UPF2: variants seen among roughly 807,000 people sequenced by gnomAD.
The protein encoded by UPF2 is regulator of nonsense transcripts 2.
A neutral mutation model predicts 141.4 loss-of-function variants in UPF2; 17 were observed. The observed-to-expected ratio is 0.12, with a 90% CI of 0.08 to 0.18. UPF2 has a LOEUF of 0.18. Among genes scored for constraint, UPF2 ranks in the 10% least tolerant of loss-of-function variants. The pLI is 1.00. For missense variants in UPF2, 1,152 were observed against 1,515.9 expected (o/e 0.76, Z 3.99); for synonymous variants, 540 against 498.0 (o/e 1.08, Z -1.12).
At position 11,959,275 on chromosome 10, in the gene UPF2, T is replaced by G; in HGVS notation, c.2266A>C (p.Asn756His). ...TMVENAYYYC[N>H]PPPAEKTVKK... ...ACGGTTTTTTCAGCTGGAGGTGGGT[T>G]GCAGTAGTAATATGCATTCTCTACC... is the stretch of plus-strand genomic sequence containing the variant. Residue 756 changes from asparagine to histidine, a missense_variant, in exon 12 of 22, where the codon AAC (asparagine) becomes CAC (histidine). Asn to His is a moderately conservative substitution (Grantham distance 68). This residue lies in a region of UPF2 where 739 missense variants were observed against 1,032.2 expected (regional missense o/e 0.72). Coordinates refer to ENST00000357604, the MANE Select transcript of UPF2 (RefSeq NM_015542.4). This position sits in a 1 kb window ranked among gnomAD's most constrained non-coding sequence, Gnocchi z 5.9. 6.2e-7 allele frequency: 1 copy of G among 1,613,522 alleles called. No homozygotes were observed. The highest frequency in any genetic ancestry group is 8.5e-7 in the Non-Finnish European group (1 of 1,179,838).
At position 12,024,431 on chromosome 10, in the gene UPF2, G is replaced by A. The variant is rs188166560; in HGVS notation, c.1145+4314C>T. Among the ~76,000 whole-genome samples the A allele has an allele frequency of 4.3e-3, 661 of 152,124 alleles. 3 individuals carry two copies. Among genetic ancestry groups the A allele is most frequent in the African/African-American group, 0.015 (621 of 41,502 alleles). Reference sequence around the variant, plus strand: ...TCGAGACGAGCCTGGGCAACATGGCGAAACCCCGTCTCTACTAAAAATACA... The same window carrying A: ...TCGAGACGAGCCTGGGCAACATGGCAAAACCCCGTCTCTACTAAAAATACA... On this transcript the variant is annotated intron_variant, in intron 3 of 21. Coordinates refer to ENST00000357604, the MANE Select transcript of UPF2 (RefSeq NM_015542.4).
chr10:11,964,036 T>C lies in UPF2; in HGVS notation c.2157A>G (p.Glu719=). The C allele has an allele frequency of 6.2e-7, 1 of 1,613,900 alleles. No individual in the cohort carries two copies. Among genetic ancestry groups the C allele is most frequent in the Non-Finnish European group, 8.5e-7 (1 of 1,179,844 alleles). The change falls in exon 11 of 22, where the codon GAA becomes GAG. Residue 719 remains glutamate, a synonymous_variant. Coordinates refer to ENST00000357604, the MANE Select transcript of UPF2 (RefSeq NM_015542.4). ...AAAGTACACTGGTCCTCAGGTGAGA[T>C]TCTGGAGATCTGAAAAGAAACCGTC... ...TCGRFLFRSP[E]SHLRTSVLLE... is the part of the protein sequence containing the mutation.
chr10:12,027,962 G>A (rs953461621), intron 3 of UPF2, among the ~76,000 whole-genome samples: 1 of 152,104 alleles, frequency 6.6e-6, no homozygotes, highest in South Asian at 2.1e-4. Context: ...ACGTGCTATG[G>A]CTATTACCTC....
chr10:11,932,624 C>T (rs1166587492), intron 19 of UPF2, among the ~76,000 whole-genome samples: 2 of 152,064 alleles, frequency 1.3e-5, no homozygotes, highest in East Asian at 1.9e-4. Context: ...TACTGATGGC[C>T]ACCTTTGCCT....
chr10:11,923,158 T>C (rs2131142257), intron 21 of UPF2: 1 of 152,374 alleles, frequency 6.6e-6, no homozygotes, highest in South Asian at 2.1e-4. Context: ...GGAGATCTTG[T>C]TTAAAAGTAA....
rs773544381 is a variant in UPF2, at chr10:12,029,349, T to C, written c.541A>G (p.Ile181Val). The change falls in exon 3 of 22, where the codon ATT (isoleucine) becomes GTT (valine). Residue 181 changes from isoleucine to valine, a missense_variant. Ile to Val is a conservative substitution (Grantham distance 29). Around this residue, in one of 4 missense-constraint regions of UPF2, gnomAD observed 739 missense variants for 1,032.2 expected, o/e 0.72. Coordinates refer to ENST00000357604, the MANE Select transcript of UPF2 (RefSeq NM_015542.4). Reference sequence around the variant, plus strand: ...AAGGAGTCTCTCTGTTGTTCTGTAATAGTTTTTAGTTTCTTGACAAAAGCA... The same window carrying C: ...AAGGAGTCTCTCTGTTGTTCTGTAACAGTTTTTAGTTTCTTGACAAAAGCA... ...NTAFVKKLKTITEQQRDSLSH... is the reference protein window; with the variant it reads ...NTAFVKKLKTVTEQQRDSLSH... 7 of 1,614,204 alleles carry C rather than the reference T, an allele frequency of 4.3e-6. No homozygotes were observed. Among genetic ancestry groups the C allele is most frequent in the Non-Finnish European group, 5.9e-6 (7 of 1,180,036 alleles).
Position 12,042,793 on chromosome 10 carries a change from C to G in UPF2, c.-57G>C, listed in dbSNP as rs1205348795. ...TCAACATTAGCCCCGGGTTTCCCAG[C>G]ACCAACTCCAGCGCTCGGGCTCTCC... is the stretch of plus-strand genomic sequence containing the variant. On this transcript the variant is annotated 5_prime_UTR_variant, in exon 1 of 22. Coordinates refer to ENST00000357604, the MANE Select transcript of UPF2 (RefSeq NM_015542.4). The surrounding 1 kb of genome is among the most constrained non-coding windows in gnomAD (Gnocchi z 5.5). 1 of 152,198 alleles carries G rather than the reference C, an allele frequency of 6.6e-6. No homozygotes were observed. Among genetic ancestry groups the G allele is most frequent in the African/African-American group, 2.4e-5 (1 of 41,384 alleles). The allele number at this position is 152,198 out of a possible 1,614,324, so 9.4% of individuals were successfully genotyped here. A position where few individuals can be genotyped will look rare whatever the true frequency, so the allele number is the denominator to read the frequency against.
chr10:12,021,592 A>G (rs1834319206), intron 3 of UPF2, among the ~76,000 whole-genome samples: 1 of 152,200 alleles, frequency 6.6e-6, no homozygotes, highest in African/African-American at 2.4e-5. Flanking sequence ...AAAAAGTGCC[A>G]AAGCCTAACA....
At chr10:11,946,435 A>G (rs1368631602) in intron 16 of UPF2, among the ~76,000 whole-genome samples, 2 of 152,208 alleles carry the variant, frequency 1.3e-5, no homozygotes, top group African/African-American at 4.8e-5. Context: ...TAAATATTAA[A>G]CCAACATTCT....
At position 12,028,803 on chromosome 10, in the gene UPF2, A is replaced by C; in HGVS notation, c.1087T>G (p.Leu363Val). Residue 363 changes from leucine to valine, a missense_variant, in exon 3 of 22, where the codon TTG becomes GTG. This residue lies in a region of UPF2 where 739 missense variants were observed against 1,032.2 expected (regional missense o/e 0.72). Transcript: ENST00000357604. ...TGGTCCCTTTTCAGGTGTTTGGTCA[A>C]AGACGTAAAGTACTCTTTTAAAAGA... ...QNLLKEYFTS[L>V]TKHLKRDHRE... 1 of 1,613,984 alleles carries C rather than the reference A, an allele frequency of 6.2e-7. No homozygotes were observed. The highest frequency in any genetic ancestry group is 1.1e-5 in the South Asian group (1 of 91,042).
chr10:12,037,406 T>TC (rs1161638627), intron 1 of UPF2, among the ~76,000 whole-genome samples: 2 of 149,046 alleles, frequency 1.3e-5, no homozygotes, highest in Admixed American at 6.7e-5. Flanking sequence ...GTTTTTCTTT[T>TC]TTTTTTTTTT....
Position 12,011,018 on chromosome 10 carries a change from A to G in UPF2, c.1306+3006T>C, listed in dbSNP as rs113853404. Among the ~76,000 whole-genome samples the G allele has an allele frequency of 1.7e-3, 260 of 152,258 alleles. 1 individual carries two copies. The highest frequency in any genetic ancestry group is 5.7e-3 in the African/African-American group (237 of 41,560). Reference sequence around the variant, plus strand: ...TTTTTAAGAGATAGAGTCTCACTCTATCACCCAGGCTGGAGTGCCTGGTGT... The same window carrying G: ...TTTTTAAGAGATAGAGTCTCACTCTGTCACCCAGGCTGGAGTGCCTGGTGT... On this transcript the variant is annotated intron_variant, in intron 4 of 21. Coordinates refer to ENST00000357604, the MANE Select transcript of UPF2 (RefSeq NM_015542.4).
At chr10:11,926,033 T>G (rs1394250822) in intron 21 of UPF2, among the ~76,000 whole-genome samples, 1 of 152,100 alleles carries the variant, frequency 6.6e-6, no homozygotes, top group African/African-American at 2.4e-5. Flanking sequence ...GAGAGGCTGA[T>G]GAGGAGGCTG....
intron 18 of UPF2, among the ~76,000 whole-genome samples, chr10:11,938,869 T>TTTTTTTTTTTTTG (rs1832897954): frequency 9.5e-6 from 1 of 104,772 alleles, no homozygotes; most frequent in Non-Finnish European, 2.0e-5. Flanking sequence ...TTTTTTTTTT[T>TTTTTTTTTTTTTG]TTTTTTTTTT....
At chr10:12,036,711 A>G (rs1834631336) in intron 1 of UPF2, among the ~76,000 whole-genome samples, 1 of 152,232 alleles carries the variant, frequency 6.6e-6, no homozygotes, top group South Asian at 2.1e-4. Flanking sequence ...CTCCTAAATT[A>G]TCTAAGAGTT....
chr10:11,942,435 T>G (rs563614979), intron 18 of UPF2, among the ~76,000 whole-genome samples: 1 of 152,266 alleles, frequency 6.6e-6, no homozygotes, highest in African/African-American at 2.4e-5. Flanking sequence ...ATGAAATTAT[T>G]CTGTTCCAAA....
chr10:11,995,826 C>T (rs1192461903), intron 8 of UPF2, among the ~76,000 whole-genome samples: 2 of 152,082 alleles, frequency 1.3e-5, no homozygotes, highest in African/African-American at 4.8e-5. Flanking sequence ...ATGACCTTTC[C>T]TGTCTCTGAC....
intron 11 of UPF2, among the ~76,000 whole-genome samples, chr10:11,960,530 T>A (rs1234772483): frequency 6.6e-6 from 1 of 152,116 alleles, no homozygotes; most frequent in Non-Finnish European, 1.5e-5. Context: ...ATCATGTCAC[T>A]GCACTCCAGC....
chr10:11,933,756 G>T (rs1054991032), intron 19 of UPF2, among the ~76,000 whole-genome samples: 15 of 152,148 alleles, frequency 9.9e-5, no homozygotes, highest in African/African-American at 2.9e-4. Flanking sequence ...GGCCAGATGG[G>T]GTGTAGAGTT....
Sources: gnomAD v4.1 joint callset for allele counts (sites outside exome capture counted in the v4.1 genomes callset) on GRCh38, gnomAD v4.1.1 for gene constraint, gnomAD v4.1.1 regional missense constraint, Gnocchi (gnomAD v3.1) non-coding constraint, MANE v1.5 for transcripts, NCBI Gene and HGNC (gene_info 2026-07-23, HGNC 2026-07-21) for gene names.